Variants in IFT56 observed in about 807,000 individuals in gnomAD.
IFT56 encodes intraflagellar transport 56.
At chr7:139,173,956 C>G in the IFT56 span, 3 of 677,540 alleles carry the variant, frequency 4.4e-6, no homozygotes, top group Non-Finnish European at 8.3e-6. Context: ...ATTCTTCATC[C>G]TTTGCTGCTG....
the IFT56 span, chr7:139,187,523 G>C: frequency 2.2e-5 from 35 of 1,614,020 alleles, no homozygotes; most frequent in Non-Finnish European, 2.4e-5. Context: ...GATGATCATA[G>C]CTGGGAGAGA....
At chr7:139,142,484 T>G in the IFT56 span, among the ~76,000 whole-genome samples, 8 of 152,254 alleles carry the variant, frequency 5.3e-5, no homozygotes, top group African/African-American at 1.7e-4. Flanking sequence ...GTTCTTTACC[T>G]ACTGCATTTA....
chr7:139,178,706 C>A, the IFT56 span: 1 of 1,002,742 alleles, frequency 1.0e-6, no homozygotes, highest in Non-Finnish European at 1.5e-6. Context: ...AAAGATTCCT[C>A]TGTTCTTAGG....
chr7:139,158,919 AC>A, the IFT56 span, among the ~76,000 whole-genome samples: 1 of 152,170 alleles, frequency 6.6e-6, no homozygotes, highest in Non-Finnish European at 1.5e-5. Flanking sequence ...GTCTCAAAAA[AC>A]AAAAAATTTT....
chr7:139,163,479 T>C, the IFT56 span, among the ~76,000 whole-genome samples: 1 of 152,186 alleles, frequency 6.6e-6, no homozygotes, highest in African/African-American at 2.4e-5. Flanking sequence ...AGAGATTAAT[T>C]TGTGACTCCT....
the IFT56 span, chr7:139,147,055 A>T: frequency 6.3e-7 from 1 of 1,579,642 alleles, no homozygotes; most frequent in Non-Finnish European, 8.6e-7. Flanking sequence ...CTAAAGAAGG[A>T]AGAGTTAAAA....
the IFT56 span, chr7:139,134,632 A>G: frequency 1.3e-6 from 2 of 1,595,112 alleles, no homozygotes; most frequent in South Asian, 1.1e-5. Flanking sequence ...TGGACCATAC[A>G]GCTGTCTTTG....
the IFT56 span, among the ~76,000 whole-genome samples, chr7:139,143,598 T>C: frequency 6.6e-6 from 1 of 152,054 alleles, no homozygotes; most frequent in Non-Finnish European, 1.5e-5. Context: ...AGCATATAAA[T>C]GAGTTTTGTG....
the IFT56 span, chr7:139,147,033 G>A: frequency 6.5e-7 from 1 of 1,550,114 alleles, no homozygotes; most frequent in Non-Finnish European, 8.7e-7. Context: ...GAAGAAGAGA[G>A]AGACACAATG....
the IFT56 span, chr7:139,166,781 A>G: frequency 1.3e-5 from 12 of 893,584 alleles, no homozygotes; most frequent in Non-Finnish European, 2.2e-5. Context: ...TTTTGGGAGG[A>G]CTGCTTCAGG....
At chr7:139,187,745 T>C in the IFT56 span, among the ~76,000 whole-genome samples, 7 of 152,242 alleles carry the variant, frequency 4.6e-5, no homozygotes, top group Non-Finnish European at 7.3e-5. Flanking sequence ...TTCTAAATCA[T>C]ATATAATAGG....
the IFT56 span, among the ~76,000 whole-genome samples, chr7:139,143,412 C>G: frequency 6.6e-6 from 1 of 151,898 alleles, no homozygotes; most frequent in Non-Finnish European, 1.5e-5. Context: ...TAATGTCTTC[C>G]TAGTAGACTG....
the IFT56 span, among the ~76,000 whole-genome samples, chr7:139,176,716 G>A: frequency 1.3e-5 from 2 of 152,114 alleles, no homozygotes; most frequent in African/African-American, 4.8e-5. Context: ...ACTCCTGGAC[G>A]TTCACAAATG....
the IFT56 span, among the ~76,000 whole-genome samples, chr7:139,182,995 AT>A: frequency 6.6e-6 from 1 of 152,174 alleles, no homozygotes; most frequent in Non-Finnish European, 1.5e-5. Flanking sequence ...GATATTAAAA[AT>A]AAGAAGGAAA....
chr7:139,179,904 C>T, the IFT56 span, among the ~76,000 whole-genome samples: 1 of 152,110 alleles, frequency 6.6e-6, no homozygotes, highest in Non-Finnish European at 1.5e-5. Flanking sequence ...TCAAGTTCTT[C>T]CTAAAGTCTC....
the IFT56 span, chr7:139,173,100 C>A: frequency 1.4e-6 from 1 of 723,384 alleles, no homozygotes; most frequent in Admixed American, 1.8e-5. Flanking sequence ...TAATGGTTGG[C>A]TGACTCTCTG....
chr7:139,163,176 C>T, the IFT56 span, among the ~76,000 whole-genome samples: 1 of 151,698 alleles, frequency 6.6e-6, no homozygotes, highest in Non-Finnish European at 1.5e-5. Context: ...AACCCCGTCT[C>T]TACCAAAATA....
chr7:139,150,063 C>T, the IFT56 span, among the ~76,000 whole-genome samples: 1 of 152,126 alleles, frequency 6.6e-6, no homozygotes, highest in Admixed American at 6.6e-5. Flanking sequence ...TGTAAAATTT[C>T]TGCATGTGTC....
chr7:139,170,431 A>G, the IFT56 span, among the ~76,000 whole-genome samples: 1 of 152,204 alleles, frequency 6.6e-6, no homozygotes, highest in Non-Finnish European at 1.5e-5. Flanking sequence ...AATATCTCAA[A>G]TGAAGAGGGA....
Sources: gnomAD v4.1 joint callset for allele counts (sites outside exome capture counted in the v4.1 genomes callset) on GRCh38, gnomAD v4.1.1 for gene constraint, MANE v1.5 for transcripts, NCBI Gene and HGNC (gene_info 2026-07-23, HGNC 2026-07-21) for gene names.